The following NEDD4L variants were observed in gnomAD, a reference collection of about 807,000 sequenced individuals.
NEDD4L encodes the protein E3 ubiquitin-protein ligase NEDD4-like.
Under a neutral mutation model 148.9 loss-of-function variants are expected in NEDD4L, and 54 were observed. That is an observed-to-expected ratio of 0.36 (90% CI 0.29 to 0.45). NEDD4L has a LOEUF of 0.45. NEDD4L is among the 20% of genes least tolerant of loss of function. The pLI is 1.00. For missense variants in NEDD4L, 856 were observed against 1,233.8 expected (o/e 0.69, Z 4.59); for synonymous variants, 433 against 440.7 (o/e 0.98, Z 0.22).
intron 1 of NEDD4L, among the ~76,000 whole-genome samples, chr18:58,076,524 C>T (rs984898039): frequency 1.3e-5 from 2 of 152,124 alleles, no homozygotes; most frequent in Admixed American, 6.5e-5. Context: ...AGCAGGACCA[C>T]GTTGGGAAAA....
chr18:58,147,450 A>G (rs2034212327), intron 1 of NEDD4L, among the ~76,000 whole-genome samples: 1 of 152,180 alleles, frequency 6.6e-6, no homozygotes, highest in Admixed American at 6.5e-5. Flanking sequence ...TTATTGGAAC[A>G]CAGTGTCCTG....
At chr18:58,209,173 C>T (rs2042259157) in intron 2 of NEDD4L, among the ~76,000 whole-genome samples, 1 of 73,800 alleles carries the variant, frequency 1.4e-5, no homozygotes, top group African/African-American at 4.1e-5. Flanking sequence ...TCCCCCTCAT[C>T]CTGCCCCCCT....
intron 1 of NEDD4L, among the ~76,000 whole-genome samples, chr18:58,147,529 C>T (rs906164888): frequency 2.1e-4 from 32 of 152,222 alleles, no homozygotes; most frequent in South Asian, 4.1e-4. Context: ...CTTTCCAAAG[C>T]TTCACTGTCC....
chr18:58,071,168 AAGCATGTCT>A (rs2082857816), intron 1 of NEDD4L, among the ~76,000 whole-genome samples: 1 of 152,162 alleles, frequency 6.6e-6, no homozygotes, highest in African/African-American at 2.4e-5. Context: ...AACTATAGGA[AAGCATGTCT>A]AAAGAATCAC....
intron 5 of NEDD4L, among the ~76,000 whole-genome samples, chr18:58,285,714 G>A (rs565905820): frequency 7.9e-5 from 12 of 152,250 alleles, no homozygotes; most frequent in African/African-American, 2.4e-4. Context: ...CGGTTTTATT[G>A]AAACCTGTTC....
At chr18:58,138,750 A>G (rs1169828686) in intron 1 of NEDD4L, among the ~76,000 whole-genome samples, 2 of 152,198 alleles carry the variant, frequency 1.3e-5, no homozygotes, top group Non-Finnish European at 2.9e-5. Context: ...TGAGAGAGAG[A>G]GAAAGCAAGC....
At chr18:58,193,072 T>C (rs2040290586) in intron 2 of NEDD4L, among the ~76,000 whole-genome samples, 1 of 152,140 alleles carries the variant, frequency 6.6e-6, no homozygotes. Context: ...AAGACCAGTG[T>C]ATAGGGTGTG....
intron 24 of NEDD4L, among the ~76,000 whole-genome samples, chr18:58,378,528 G>T (rs1309695719): frequency 6.6e-6 from 1 of 152,200 alleles, no homozygotes; most frequent in Admixed American, 6.5e-5. Flanking sequence ...GGACACAGAG[G>T]GGTGGCACCT....
intron 1 of NEDD4L, among the ~76,000 whole-genome samples, chr18:58,132,463 A>T (rs1330255826): frequency 6.6e-6 from 1 of 152,244 alleles, no homozygotes; most frequent in Non-Finnish European, 1.5e-5. Context: ...CACAAAAGGT[A>T]CTTCAATAAT....
chr18:58,276,194 G>A (rs1395550033), intron 5 of NEDD4L, among the ~76,000 whole-genome samples: 3 of 57,518 alleles, frequency 5.2e-5, no homozygotes, highest in East Asian at 3.6e-4. Context: ...TTTCTTTTTC[G>A]TTTTTTTTTT....
At chr18:58,098,243 G>C (rs2084544219) in intron 1 of NEDD4L, among the ~76,000 whole-genome samples, 1 of 151,964 alleles carries the variant, frequency 6.6e-6, no homozygotes, top group African/African-American at 2.4e-5. Flanking sequence ...TTGTTGGGAG[G>C]GACAGAGCCT....
chr18:58,136,506 C>A (rs926672116), intron 1 of NEDD4L, among the ~76,000 whole-genome samples: 1 of 152,094 alleles, frequency 6.6e-6, no homozygotes, highest in Non-Finnish European at 1.5e-5. Flanking sequence ...ATGCGGGGAA[C>A]CTGATGCTGA....
chr18:58,367,845 A>G lies in NEDD4L; in HGVS notation c.2163A>G (p.Val721=). ...TFIGRVAGLA[V]FHGKLLDGFF... is the part of the protein sequence containing the mutation. ...TTGGAAGAGTTGCTGGTCTGGCCGT[A>G]TTTCATGGGAAGCTCTTAGATGGTA... The change falls in exon 22 of 31, where the codon GTA becomes GTG. Residue 721 remains valine (V), a synonymous_variant. Transcript: ENST00000400345. 1 of 1,614,018 alleles carries G rather than the reference A, an allele frequency of 6.2e-7. No homozygotes were observed. Among genetic ancestry groups the G allele is most frequent in the Non-Finnish European group, 8.5e-7 (1 of 1,179,890 alleles).
chr18:58,341,644 C>T, intron 14 of NEDD4L, 34 bp from the exon 15 acceptor site: 2 of 1,597,108 alleles, frequency 1.3e-6, no homozygotes, highest in Non-Finnish European at 1.7e-6. Flanking sequence ...GGAGATCCTC[C>T]TATGAAGCTA....
chr18:58,092,653 C>T (rs2084144833), intron 1 of NEDD4L, among the ~76,000 whole-genome samples: 1 of 151,894 alleles, frequency 6.6e-6, no homozygotes, highest in Non-Finnish European at 1.5e-5. Context: ...TCTGCACCTG[C>T]TCTTATGGAG....
At chr18:58,370,371 T>A (rs777026832) in intron 22 of NEDD4L, 26 bp from the exon 23 acceptor site, 1 of 1,489,402 alleles carries the variant, frequency 6.7e-7, no homozygotes, top group Non-Finnish European at 9.4e-7. Flanking sequence ...GACCTGAAAC[T>A]AAACCCAGTG....
At chr18:58,301,188 G>A (rs1178031343) in intron 5 of NEDD4L, among the ~76,000 whole-genome samples, 1 of 152,128 alleles carries the variant, frequency 6.6e-6, no homozygotes, top group African/African-American at 2.4e-5. Flanking sequence ...AACTTATAGA[G>A]CTCATTTACG....
chr18:58,401,113 G>T lies in NEDD4L; in HGVS notation c.*4844G>T, dbSNP rs1210798530. On this transcript the variant is annotated 3_prime_UTR_variant, in exon 31 of 31. Coordinates refer to ENST00000400345, the MANE Select transcript of NEDD4L (RefSeq NM_001144967.3). ...AATTTGCTGTCATTTCCTAATTCAG[G>T]ATCTATCATCAAATGAAACATGAAA... 1 of 151,914 alleles carries T rather than the reference G, an allele frequency of 6.6e-6. No individual in the cohort carries two copies. The highest frequency in any genetic ancestry group is 6.6e-5 in the Admixed American group (1 of 15,258). The allele number at this position is 151,914 out of a possible 1,614,324, so 9.4% of individuals were successfully genotyped here.
intron 1 of NEDD4L, among the ~76,000 whole-genome samples, chr18:58,109,578 T>TTTTTC (rs2085293842): frequency 6.8e-6 from 1 of 147,832 alleles, no homozygotes; most frequent in Non-Finnish European, 1.5e-5. Flanking sequence ...TTTTGTTTTT[T>TTTTTC]TTTTTTTTTT....
Sources: gnomAD v4.1 joint callset for allele counts (sites outside exome capture counted in the v4.1 genomes callset) on GRCh38, gnomAD v4.1.1 for gene constraint, MANE v1.5 for transcripts, NCBI Gene and HGNC (gene_info 2026-07-23, HGNC 2026-07-21) for gene names.